The following SEC24D variants were observed in gnomAD, a reference collection of about 807,000 sequenced individuals.
SEC24D encodes protein transport protein Sec24D.
SEC24D carries 69 observed loss-of-function variants against 116.9 expected under a neutral mutation model. The observed-to-expected ratio is 0.59, with a 90% CI of 0.49 to 0.72. The LOEUF (loss-of-function observed/expected upper bound fraction) is 0.72, where lower values mean the gene tolerates loss of function less well. SEC24D is among the 30% of genes least tolerant of loss of function. The pLI is 0.00. For synonymous variants in SEC24D, 405 were observed against 442.8 expected, an observed-to-expected ratio of 0.91 and a Z score of 1.07; for missense variants, 1,131 against 1,264.1, an observed-to-expected ratio of 0.89 and a Z score of 1.60.
chr4:118,741,714 C>T (rs548363556), intron 15 of SEC24D, among the ~76,000 whole-genome samples: 1 of 152,252 alleles, frequency 6.6e-6, no homozygotes, highest in South Asian at 2.1e-4. Flanking sequence ...CTCATCCCTT[C>T]CCCCCAGTCC....
intron 18 of SEC24D, 29 bp downstream of exon 18, chr4:118,739,120 A>G (rs1726105214): frequency 6.2e-7 from 1 of 1,611,062 alleles, no homozygotes; most frequent in Admixed American, 1.7e-5. Flanking sequence ...AGCAAGGTTT[A>G]CTGAACCTCA....
At chr4:118,819,146 G>A (rs1222184239) in intron 3 of SEC24D, among the ~76,000 whole-genome samples, 2 of 152,138 alleles carry the variant, frequency 1.3e-5, no homozygotes, top group East Asian at 3.9e-4. Flanking sequence ...ATGATTTCAA[G>A]AATTACATTA....
intron 13 of SEC24D, among the ~76,000 whole-genome samples, chr4:118,749,804 A>T (rs1317986060): frequency 1.3e-5 from 2 of 152,206 alleles, no homozygotes; most frequent in Non-Finnish European, 2.9e-5. Context: ...GGCATTGGGG[A>T]GAACAATGTT....
rs560015863 is a variant in SEC24D, at chr4:118,792,084, G to A, written c.1041+5599C>T. Reference sequence around the variant, plus strand: ...GCCCATCATCTGGGATGTGGGGAGCGCCTCTGCCCCGCCGCCCCGTCTGAG... The same window carrying A: ...GCCCATCATCTGGGATGTGGGGAGCACCTCTGCCCCGCCGCCCCGTCTGAG... On this transcript the variant is annotated intron_variant, in intron 8 of 22. Coordinates refer to ENST00000280551, the MANE Select transcript of SEC24D (RefSeq NM_014822.4). Among the ~76,000 whole-genome samples, 67 of 149,856 alleles carry A rather than the reference G, an allele frequency of 4.5e-4. 1 individual carries two copies. The highest frequency in any genetic ancestry group is 1.6e-3 in the African/African-American group (63 of 40,586).
intron 9 of SEC24D, among the ~76,000 whole-genome samples, chr4:118,767,143 G>A (rs1727681400): frequency 6.6e-6 from 1 of 152,222 alleles, no homozygotes; most frequent in African/African-American, 2.4e-5. Context: ...TGCATGAGAA[G>A]CACTCGCAAG....
chr4:118,833,387 T>C lies in SEC24D; in HGVS notation c.118+192A>G, dbSNP rs116331303. 23,157 of 454,324 alleles carry C rather than the reference T, an allele frequency of 0.051. 834 individuals carry two copies. The highest frequency in any genetic ancestry group is 0.066 in the Non-Finnish European group (16,883 of 256,914). The allele number at this position is 454,324 out of a possible 1,614,324, so 28.1% of individuals were successfully genotyped here. A position where few individuals can be genotyped will look rare whatever the true frequency, so the allele number is the denominator to read the frequency against. On this transcript the variant is annotated intron_variant, in intron 2 of 22. Transcript: ENST00000280551. ...AGTCTATATTTAAAAACCAAACTTG[T>C]ATTGCATGCAATAACCAAACTAGTG...
At chr4:118,830,624 A>C (rs1730807601) in intron 2 of SEC24D, among the ~76,000 whole-genome samples, 2 of 151,834 alleles carry the variant, frequency 1.3e-5, no homozygotes, top group South Asian at 4.1e-4. Context: ...TGTATATATA[A>C]TTTTTTATTT....
chr4:118,822,811 G>T (rs923028949), intron 3 of SEC24D, among the ~76,000 whole-genome samples: 3 of 151,972 alleles, frequency 2.0e-5, no homozygotes, highest in Non-Finnish European at 4.4e-5. Context: ...GGGCTCAGGC[G>T]ATCCTCTCGT....
chr4:118,744,955 CTGTATTAACCAGTTTTTTGTCATCTCTGT>C lies in SEC24D; in HGVS notation c.1784_1812del (p.Asn595ArgfsTer15). 6.3e-7 allele frequency: 1 copy of C among 1,586,890 alleles called. No homozygotes were observed. Among genetic ancestry groups the C allele is most frequent in the Non-Finnish European group, 8.6e-7 (1 of 1,156,914 alleles). On this transcript the variant is annotated frameshift_variant, in exon 14 of 23. Transcript: ENST00000280551. LOFTEE classifies it high-confidence loss of function. ...GAGTTACAAAGTACCTTCTCTTTGT[CTGTATTAACCAGTTTTTTGTCATCTCTGT>C]TTTTGAGCTTCCCTGGTGCTTCAGC...
At chr4:118,731,755 T>C (rs1258618900) in intron 20 of SEC24D, among the ~76,000 whole-genome samples, 1 of 152,136 alleles carries the variant, frequency 6.6e-6, no homozygotes, top group Non-Finnish European at 1.5e-5. Flanking sequence ...TGAAGAGTTA[T>C]GAAGAAAAGA....
chr4:118,815,278 GAGTCA>G, intron 5 of SEC24D, 123 bp from the exon 6 acceptor site: 2 of 1,389,650 alleles, frequency 1.4e-6, no homozygotes, highest in South Asian at 2.7e-5. Context: ...AAAAAGCAAG[GAGTCA>G]AGTATGAGTG....
At chr4:118,801,627 A>G (rs1293746406) in intron 7 of SEC24D, among the ~76,000 whole-genome samples, 1 of 152,208 alleles carries the variant, frequency 6.6e-6, no homozygotes, top group Non-Finnish European at 1.5e-5. Context: ...TTAATTTTCC[A>G]TTGCACTCAA....
intron 8 of SEC24D, among the ~76,000 whole-genome samples, chr4:118,785,987 T>C (rs1728652026): frequency 6.6e-6 from 1 of 152,194 alleles, no homozygotes; most frequent in African/African-American, 2.4e-5. Context: ...AATCATAATA[T>C]GGATGAAGAT....
chr4:118,804,450 T>C (rs1483204730), intron 7 of SEC24D, among the ~76,000 whole-genome samples: 3 of 152,066 alleles, frequency 2.0e-5, no homozygotes. Context: ...GTCAGGAATA[T>C]TCTTTAGGTT....
rs879585394 is a variant in SEC24D, at chr4:118,810,118, GTGTGTGTGTGTGTGTGTGT to G, written c.802-4183_802-4165del. ...TGTGTGTGTGTGTGTGTGTGTGTGT[GTGTGTGTGTGTGTGTGTGT>G]CAGAGGGTATAGGGGAGCCAGGGGT... On this transcript the variant is annotated intron_variant, in intron 6 of 22. Transcript: ENST00000280551. 5.2e-3 allele frequency among the ~76,000 whole-genome samples: 767 copies of G among 148,472 alleles called. 14 individuals are homozygous for G. The highest frequency in any genetic ancestry group is 8.5e-3 in the Non-Finnish European group (567 of 67,052).
Position 118,749,477 on chromosome 4 carries a change from C to A in SEC24D, c.1707+2519G>T, listed in dbSNP as rs190390560. 5.3e-5 allele frequency among the ~76,000 whole-genome samples: 8 copies of A among 152,228 alleles called. No individual in the cohort carries two copies. In the South Asian group the frequency reaches 1.2e-3, roughly 24 times the overall value. On this transcript the variant is annotated intron_variant, in intron 13 of 22. Transcript: ENST00000280551. ...AAGTTATAATTCAAATAGGGGAGTA[C>A]TGTTCTGAAATGTTTTCACTTGAAT...
chr4:118,734,493 G>A (rs1302217388), intron 19 of SEC24D, among the ~76,000 whole-genome samples: 1 of 152,076 alleles, frequency 6.6e-6, no homozygotes, highest in Admixed American at 6.5e-5. Context: ...GATCACAGGC[G>A]TGAGCCACCA....
At chr4:118,770,921 G>A (rs1192809081) in intron 8 of SEC24D, among the ~76,000 whole-genome samples, 1 of 152,080 alleles carries the variant, frequency 6.6e-6, no homozygotes, top group Admixed American at 6.6e-5. Flanking sequence ...AGGTAAGTAA[G>A]GTCTTCAGAA....
chr4:118,828,392 A>G (rs960372306), intron 2 of SEC24D, among the ~76,000 whole-genome samples: 4 of 152,156 alleles, frequency 2.6e-5, no homozygotes, highest in Non-Finnish European at 5.9e-5. Flanking sequence ...TACAGGCGTG[A>G]GCCACCGCAC....
Sources: gnomAD v4.1 joint callset for allele counts (sites outside exome capture counted in the v4.1 genomes callset) on GRCh38, gnomAD v4.1.1 for gene constraint, MANE v1.5 for transcripts, NCBI Gene and HGNC (gene_info 2026-07-23, HGNC 2026-07-21) for gene names.